The following LEKR1 variants were observed in gnomAD, a reference collection of about 807,000 sequenced individuals.
LEKR1 encodes the protein leucine, glutamate and lysine rich 1, also known as protein LEKR1.
In LEKR1, 59 loss-of-function variants were observed where a neutral mutation model predicts 72.4. The ratio of observed to expected loss-of-function variants is 0.82; its 90% CI spans 0.66 to 1.01. The LOEUF is 1.01. Ranked by LOEUF, LEKR1 falls within the 50% of genes least tolerant of loss-of-function variation. LEKR1 has a pLI of 0.00. For synonymous variants in LEKR1, 257 were observed against 263.2 expected (o/e 0.98, Z 0.23); for missense variants, 728 against 759.2 (o/e 0.96, Z 0.48).
intron 12 of LEKR1, among the ~76,000 whole-genome samples, chr3:157,030,159 T>A (rs1199401221): frequency 1.3e-5 from 2 of 151,130 alleles, no homozygotes; most frequent in African/African-American, 4.9e-5. Context: ...TGGGGGGAGG[T>A]GCCACATTAT....
intron 6 of LEKR1, among the ~76,000 whole-genome samples, chr3:156,955,952 A>G (rs1727590397): frequency 1.5e-5 from 1 of 65,418 alleles, no homozygotes; most frequent in African/African-American, 6.5e-5. Context: ...CATACTGTAG[A>G]ATAGTTAAAA....
intron 10 of LEKR1, among the ~76,000 whole-genome samples, chr3:157,013,461 T>C (rs1733065766): frequency 6.6e-6 from 1 of 152,154 alleles, no homozygotes. Flanking sequence ...GCTAGTAAGT[T>C]AATTTGGTGG....
intron 5 of LEKR1, among the ~76,000 whole-genome samples, chr3:156,936,449 A>G (rs1725714098): frequency 8.4e-6 from 1 of 119,274 alleles, no homozygotes; most frequent in Admixed American, 9.9e-5. Context: ...ACACACACAC[A>G]CACACACACA....
intron 9 of LEKR1, among the ~76,000 whole-genome samples, chr3:157,008,089 A>G (rs941405185): frequency 2.6e-5 from 4 of 152,116 alleles, no homozygotes; most frequent in African/African-American, 4.8e-5. Context: ...CTTCACTTCC[A>G]TTTTTCCAGC....
chr3:156,905,905 C>G (rs922511609), intron 3 of LEKR1, among the ~76,000 whole-genome samples: 7 of 152,148 alleles, frequency 4.6e-5, no homozygotes, highest in Admixed American at 3.9e-4. Flanking sequence ...CTAATTTTCC[C>G]CTTGATATTT....
At position 156,942,710 on chromosome 3, in the gene LEKR1, A is replaced by G; in HGVS notation, c.741A>G (p.Val247=). Reference sequence around the variant, plus strand: ...GATGCTATGATTTGCAAAAAGAAGTACTAGGTAAAGAAAAGTCTTTTGCTG... The same window carrying G: ...GATGCTATGATTTGCAAAAAGAAGTGCTAGGTAAAGAAAAGTCTTTTGCTG... ...QTRCYDLQKE[V]LDLQCLVEAL... The change falls in exon 6 of 13, where the codon GTA becomes GTG. Residue 247 remains valine (V), a synonymous_variant. Coordinates refer to ENST00000356539, the MANE Select transcript of LEKR1 (RefSeq NM_001004316.3). 8.0e-7 allele frequency: 1 copy of G among 1,244,642 alleles called. No individual in the cohort carries two copies. Among genetic ancestry groups the G allele is most frequent in the South Asian group, 1.4e-5 (1 of 73,974 alleles). The allele number at this position is 1,244,642 out of a possible 1,614,324, so 77.1% of individuals were successfully genotyped here.
chr3:157,000,164 C>T (rs1018857272), intron 9 of LEKR1, among the ~76,000 whole-genome samples: 4 of 152,156 alleles, frequency 2.6e-5, no homozygotes, highest in South Asian at 2.1e-4. Flanking sequence ...TTCTTCTCTT[C>T]ACTCAATAAA....
chr3:156,838,057 G>C (rs1713385073), intron 2 of LEKR1, among the ~76,000 whole-genome samples: 1 of 152,180 alleles, frequency 6.6e-6, no homozygotes, highest in South Asian at 2.1e-4. Flanking sequence ...ACAGACACCA[G>C]TCACCCCGCT....
intron 6 of LEKR1, among the ~76,000 whole-genome samples, chr3:156,963,475 A>T (rs987668565): frequency 6.6e-6 from 1 of 152,172 alleles, no homozygotes; most frequent in Non-Finnish European, 1.5e-5. Flanking sequence ...GACAGTGTCT[A>T]AATGAGGAAT....
intron 3 of LEKR1, among the ~76,000 whole-genome samples, chr3:156,901,452 T>G (rs1313430334): frequency 6.6e-6 from 1 of 152,200 alleles, no homozygotes; most frequent in Non-Finnish European, 1.5e-5. Context: ...CCTTTTTTTC[T>G]AAGTGCTTAA....
chr3:156,906,449 A>ACC lies in LEKR1; in HGVS notation c.264-14125_264-14124insCC, dbSNP rs1576793933. Among the ~76,000 whole-genome samples the ACC allele has an allele frequency of 2.0e-5, 3 of 152,306 alleles. No individual in the cohort carries two copies. In the East Asian group the frequency reaches 5.8e-4, roughly 29 times the overall value. ...CCAGTGCAGGACTCTCTCCACTAGA[A>ACC]CATGCTGTTAGTACCCACTATTTTC... On this transcript the variant is annotated intron_variant, in intron 3 of 12. Transcript: ENST00000356539.
chr3:157,018,380 C>T (rs1234030858), intron 10 of LEKR1, among the ~76,000 whole-genome samples: 2 of 152,198 alleles, frequency 1.3e-5, no homozygotes, highest in Non-Finnish European at 2.9e-5. Context: ...ACACATTCTT[C>T]TCAAGTGCAC....
chr3:156,980,582 G>A (rs540257704), intron 7 of LEKR1, among the ~76,000 whole-genome samples: 5 of 151,606 alleles, frequency 3.3e-5, no homozygotes, highest in Admixed American at 6.6e-5. Flanking sequence ...AAAAAAAATC[G>A]TTGTTGCTGT....
chr3:156,971,471 A>G (rs994838911), intron 6 of LEKR1, among the ~76,000 whole-genome samples: 9 of 152,226 alleles, frequency 5.9e-5, no homozygotes, highest in Non-Finnish European at 1.3e-4. Context: ...AATGACAACA[A>G]AAGGCAAAAT....
At chr3:156,970,750 G>A (rs916132089) in intron 6 of LEKR1, among the ~76,000 whole-genome samples, 58 of 152,098 alleles carry the variant, frequency 3.8e-4, no homozygotes, top group South Asian at 1.0e-3. Flanking sequence ...TTGCTTCAAA[G>A]AGAATAAAAT....
intron 3 of LEKR1, among the ~76,000 whole-genome samples, chr3:156,890,861 T>A (rs944310646): frequency 1.6e-5 from 2 of 126,588 alleles, no homozygotes; most frequent in Non-Finnish European, 1.8e-5. Flanking sequence ...AAAGTTATCC[T>A]TTTTTTTTTT....
At chr3:156,897,563 T>C (rs928285729) in intron 3 of LEKR1, among the ~76,000 whole-genome samples, 6 of 152,196 alleles carry the variant, frequency 3.9e-5, no homozygotes, top group African/African-American at 7.2e-5. Flanking sequence ...TTCCAGGCTA[T>C]AGGTAAATTT....
At chr3:156,905,087 T>G (rs575986643) in intron 3 of LEKR1, among the ~76,000 whole-genome samples, 12 of 151,774 alleles carry the variant, frequency 7.9e-5, no homozygotes, top group Non-Finnish European at 1.3e-4. Context: ...GAGAGAGAGA[T>G]AGAGGGGTGA....
chr3:156,922,340 G>T (rs1430942031), intron 4 of LEKR1, among the ~76,000 whole-genome samples: 1 of 151,476 alleles, frequency 6.6e-6, no homozygotes, highest in Non-Finnish European at 1.5e-5. Flanking sequence ...AAACTTAGTT[G>T]CTCTTAATAA....
Sources: gnomAD v4.1 joint callset for allele counts (sites outside exome capture counted in the v4.1 genomes callset) on GRCh38, gnomAD v4.1.1 for gene constraint, MANE v1.5 for transcripts, NCBI Gene and HGNC (gene_info 2026-07-23, HGNC 2026-07-21) for gene names.